Variants in STAG2 observed in about 807,000 individuals in gnomAD.
STAG2 encodes the protein STAG2 cohesin complex component, also known as cohesin subunit SA-2.
In STAG2, 14 loss-of-function variants were observed where a neutral mutation model predicts 108.1. The observed-to-expected ratio is 0.13, with a 90% CI of 0.09 to 0.20. The LOEUF (loss-of-function observed/expected upper bound fraction) is 0.20, where lower values mean the gene tolerates loss of function less well. STAG2 is among the 10% of genes least tolerant of loss of function. The pLI is 1.00. For synonymous variants in STAG2, 307 were observed against 302.7 expected, an observed-to-expected ratio of 1.01 and a Z score of -0.15; for missense variants, 440 against 940.9, an observed-to-expected ratio of 0.47 and a Z score of 6.96.
In STAG2 at chrX:124,041,358, C is replaced by T. The variant is rs548775599; in HGVS notation, c.386-1211C>T. On this transcript the variant is annotated intron_variant, in intron 6 of 34. Coordinates refer to ENST00000371145, the MANE Select transcript of STAG2 (RefSeq NM_001042750.2). ...ATTATTTAATTTCTTTTAGCCTTAG[C>T]CTAAGCCTTAGTTTCCTCATCTTTG... Among the ~76,000 whole-genome samples the T allele has an allele frequency of 4.6e-5, 5 of 109,711 alleles. No homozygotes were observed. The South Asian group carries it at 2.0e-3, about 43-fold the overall frequency.
At chrX:124,036,679 A>G (rs1219257738) in intron 5 of STAG2, among the ~76,000 whole-genome samples, 1 of 111,053 alleles carries the variant, frequency 9.0e-6, no homozygotes, top group Non-Finnish European at 1.9e-5. Flanking sequence ...CACCCAGCCT[A>G]AAAATTGAAA....
intron 7 of STAG2, among the ~76,000 whole-genome samples, 165 bp downstream of exon 7, chrX:124,042,810 G>A (rs1027727261): frequency 1.8e-5 from 2 of 110,154 alleles, no homozygotes; most frequent in South Asian, 3.9e-4. Context: ...TCAGGAGTTC[G>A]AGACCAGCTT....
intron 13 of STAG2, among the ~76,000 whole-genome samples, chrX:124,055,666 G>A (rs906643774): frequency 7.2e-4 from 58 of 80,023 alleles, no homozygotes; most frequent in African/African-American, 2.7e-3. Flanking sequence ...TGCCTTACAT[G>A]GTGTTCAGTA....
chrX:123,975,280 T>A (rs1243976330), intron 1 of STAG2, among the ~76,000 whole-genome samples: 2 of 112,123 alleles, frequency 1.8e-5, no homozygotes, highest in Non-Finnish European at 3.8e-5. Context: ...ATATTTTTCC[T>A]TTGGGATATG....
chrX:124,009,443 G>GTAGA (rs1160208021), intron 1 of STAG2, among the ~76,000 whole-genome samples: 119 of 63,588 alleles, frequency 1.9e-3, no homozygotes, highest in African/African-American at 6.0e-3. Flanking sequence ...AGGTAGGTAG[G>GTAGA]TAGATAGATA....
intron 4 of STAG2, among the ~76,000 whole-genome samples, chrX:124,029,187 T>C (rs1257106057): frequency 1.9e-5 from 2 of 106,435 alleles, no homozygotes; most frequent in Non-Finnish European, 1.9e-5. Flanking sequence ...CAGCTAATTT[T>C]TTTGTAATTT....
At position 124,030,989 on chromosome X, in the gene STAG2, C is replaced by A. The variant is rs1436980550; in HGVS notation, c.152C>A (p.Ala51Glu). The change falls in exon 5 of 35, where the codon GCA (alanine) becomes GAA (glutamate). Residue 51 changes from alanine to glutamate, a missense_variant. Around this residue, in one of 3 missense-constraint regions of STAG2, gnomAD observed 34 missense variants for 36.7 expected, o/e 0.93. Transcript: ENST00000371145. ...KTCKKGKKGP[A>E]EKGKGGNGGG... ...TGTAAAAAAGGCAAAAAGGGCCCAG[C>A]AGAAAAGGGCAAAGGTGGAAATGGA... 8.3e-7 allele frequency: 1 copy of A among 1,201,874 alleles called. No individual in the cohort carries two copies. Among genetic ancestry groups the A allele is most frequent in the Non-Finnish European group, 1.1e-6 (1 of 892,212 alleles).
At chrX:123,984,057 C>G (rs1225975839) in intron 1 of STAG2, among the ~76,000 whole-genome samples, 1 of 98,312 alleles carries the variant, frequency 1.0e-5, no homozygotes, top group African/African-American at 4.0e-5. Context: ...TGGCTCACTG[C>G]AACCTCTGCC....
At chrX:124,034,066 T>G (rs1387927647) in intron 5 of STAG2, among the ~76,000 whole-genome samples, 2 of 112,125 alleles carry the variant, frequency 1.8e-5, no homozygotes, top group Admixed American at 1.9e-4. Context: ...AGACCACAGC[T>G]ATGAGAAATC....
chrX:124,031,150 G>T (rs1338567122), intron 5 of STAG2, 25 bp downstream of exon 5: 1 of 1,182,685 alleles, frequency 8.5e-7, no homozygotes, highest in East Asian at 3.0e-5. Flanking sequence ...GTTCTTCCCA[G>T]TTCATTTGTA....
chrX:124,057,110 A>G (rs1050586759), intron 14 of STAG2, among the ~76,000 whole-genome samples: 3 of 111,894 alleles, frequency 2.7e-5, no homozygotes, highest in Non-Finnish European at 5.6e-5. Context: ...AGTATTTAAT[A>G]AAGTTTGACA....
At chrX:124,068,345 G>A (rs981990496) in intron 23 of STAG2, among the ~76,000 whole-genome samples, 1 of 111,121 alleles carries the variant, frequency 9.0e-6, no homozygotes, top group Non-Finnish European at 1.9e-5. Context: ...ATCTATTAAT[G>A]TACCTCATAT....
chrX:123,999,959 A>G (rs1051789898), intron 1 of STAG2, among the ~76,000 whole-genome samples: 4 of 105,548 alleles, frequency 3.8e-5, no homozygotes, highest in African/African-American at 7.0e-5. Flanking sequence ...GGGTCTTGCT[A>G]TGTTGCCCAG....
intron 34 of STAG2, among the ~76,000 whole-genome samples, chrX:124,098,702 T>A: frequency 8.9e-6 from 1 of 112,345 alleles, no homozygotes. Context: ...TTAAACATGA[T>A]TTTCTAAATA....
Position 124,025,904 on chromosome X carries a change from C to T in STAG2, c.109C>T (p.Gln37Ter). 1 of 1,184,401 alleles carries T rather than the reference C, an allele frequency of 8.4e-7. No individual in the cohort carries two copies. Among genetic ancestry groups the T allele is most frequent in the Non-Finnish European group, 1.1e-6 (1 of 877,678 alleles). The change falls in exon 4 of 35, where the codon CAA (glutamine) becomes TAA (stop). Residue 37 changes from glutamine (Q) to a stop codon, truncating the protein, a stop_gained. Transcript: ENST00000371145. LOFTEE classifies it high-confidence loss of function. ...FEDIEGKNQK[Q>*]GKGKTCKKGK... Reference sequence around the variant, plus strand: ...AGATATCGAAGGAAAAAACCAAAAGCAAGGCAAAGGCAAAGTATGTATCAA... The same window carrying T: ...AGATATCGAAGGAAAAAACCAAAAGTAAGGCAAAGGCAAAGTATGTATCAA...
At chrX:123,978,635 T>C (rs1053727443) in intron 1 of STAG2, among the ~76,000 whole-genome samples, 1 of 111,434 alleles carries the variant, frequency 9.0e-6, no homozygotes, top group African/African-American at 3.3e-5. Context: ...ATTTGCCTTA[T>C]AGGTTATTTA....
chrX:123,964,975 T>A (rs1483199872), intron 1 of STAG2, among the ~76,000 whole-genome samples: 5 of 108,217 alleles, frequency 4.6e-5, no homozygotes, highest in African/African-American at 1.7e-4. Flanking sequence ...TTTTTTTTTT[T>A]TTTGGCAGTT....
intron 1 of STAG2, among the ~76,000 whole-genome samples, chrX:123,986,104 T>C (rs1265683971): frequency 9.5e-6 from 1 of 105,802 alleles, no homozygotes; most frequent in Non-Finnish European, 1.9e-5. Flanking sequence ...ATATCATGTA[T>C]ATATGCATGT....
At chrX:124,059,665 T>A (rs746568138) in intron 15 of STAG2, among the ~76,000 whole-genome samples, 1 of 111,614 alleles carries the variant, frequency 9.0e-6, no homozygotes, top group Non-Finnish European at 1.9e-5. Context: ...ATTTTATTTA[T>A]TTTATTTTTT....
Sources: gnomAD v4.1 joint callset for allele counts (sites outside exome capture counted in the v4.1 genomes callset) on GRCh38, gnomAD v4.1.1 for gene constraint, gnomAD v4.1.1 regional missense constraint, MANE v1.5 for transcripts, NCBI Gene and HGNC (gene_info 2026-07-23, HGNC 2026-07-21) for gene names.